Variants in FANK1 observed in about 807,000 individuals in gnomAD.
FANK1 encodes fibronectin type III and ankyrin repeat domains 1, also known as fibronectin type 3 and ankyrin repeat domains protein 1.
A neutral mutation model predicts 45.3 loss-of-function variants in FANK1; 44 were observed. The ratio of observed to expected loss-of-function variants is 0.97; its 90% CI spans 0.76 to 1.25. FANK1 has a LOEUF of 1.25. Among genes scored for constraint, FANK1 ranks in the 50% most tolerant of loss-of-function variants. The pLI, the probability that FANK1 is intolerant of heterozygous loss-of-function variation, is 0.00. For synonymous variants in FANK1, 149 were observed against 152.5 expected (o/e 0.98, Z 0.17); for missense variants, 391 against 424.4 (o/e 0.92, Z 0.69).
At chr10:125,926,872 A>G (rs1359056240) in intron 1 of FANK1, among the ~76,000 whole-genome samples, 1 of 152,260 alleles carries the variant, frequency 6.6e-6, no homozygotes, top group African/African-American at 2.4e-5. Flanking sequence ...TTAGTCTCAT[A>G]CTTAATTTTT....
At chr10:125,960,582 AG>A (rs1949860401) in intron 1 of FANK1, among the ~76,000 whole-genome samples, 2 of 152,252 alleles carry the variant, frequency 1.3e-5, no homozygotes, top group African/African-American at 4.8e-5. Context: ...GCTGGAGTGC[AG>A]TGGTGCGATC....
intron 3 of FANK1, among the ~76,000 whole-genome samples, chr10:125,991,347 T>G (rs1156583640): frequency 6.6e-6 from 1 of 151,662 alleles, no homozygotes; most frequent in East Asian, 1.9e-4. Context: ...CCAGGAAGCC[T>G]TCTCAACCTC....
intron 1 of FANK1, among the ~76,000 whole-genome samples, chr10:125,967,430 T>C (rs1950252359): frequency 6.6e-6 from 1 of 152,226 alleles, no homozygotes. Flanking sequence ...AGAACACTCA[T>C]ACAAAGTCTT....
chr10:125,996,503 A>G (rs920257784), intron 4 of FANK1, 47 bp from the exon 5 acceptor site: 1 of 1,578,638 alleles, frequency 6.3e-7, no homozygotes, highest in East Asian at 2.2e-5. Flanking sequence ...TTGACTCTGC[A>G]GTAGCTGTAC....
chr10:125,995,829 T>A (rs1247974606), intron 4 of FANK1, among the ~76,000 whole-genome samples: 1 of 152,206 alleles, frequency 6.6e-6, no homozygotes, highest in Non-Finnish European at 1.5e-5. Flanking sequence ...TGCCCACATC[T>A]AATTTCTGAT....
At chr10:125,999,472 G>C (rs972849476) in intron 6 of FANK1, among the ~76,000 whole-genome samples, 4 of 152,216 alleles carry the variant, frequency 2.6e-5, no homozygotes, top group African/African-American at 9.6e-5. Context: ...CCTTTGAACA[G>C]TGTATGGCAC....
intron 2 of FANK1, among the ~76,000 whole-genome samples, chr10:125,987,575 G>T (rs74706508): frequency 2.2e-4 from 34 of 152,036 alleles, no homozygotes; most frequent in Non-Finnish European, 4.7e-4. Flanking sequence ...GCTTTGAGTA[G>T]AAGAAAAGAA....
chr10:125,903,678 GT>G (rs60301455), intron 1 of FANK1, among the ~76,000 whole-genome samples: 52,267 of 129,924 alleles, frequency 0.4, 7,411 homozygotes, highest in Non-Finnish European at 0.45. Flanking sequence ...TTTTTTTTAA[GT>G]TTTAATTTTT....
At chr10:125,978,469 G>A (rs371960202) in intron 1 of FANK1, among the ~76,000 whole-genome samples, 77 of 151,802 alleles carry the variant, frequency 5.1e-4, no homozygotes, top group African/African-American at 1.8e-3. Flanking sequence ...CTCTGGGAGT[G>A]CCATCCCAGG....
At chr10:125,996,400 A>C (rs1345372723) in intron 4 of FANK1, 150 bp from the exon 5 acceptor site, 3 of 643,014 alleles carry the variant, frequency 4.7e-6, no homozygotes, top group Admixed American at 5.5e-5. Flanking sequence ...TTAGCAGTCT[A>C]AGACAAGAAA....
chr10:125,935,999 T>G (rs1948072082), intron 1 of FANK1, among the ~76,000 whole-genome samples: 1 of 152,186 alleles, frequency 6.6e-6, no homozygotes, highest in Admixed American at 6.5e-5. Context: ...CATTAGGTAG[T>G]AGCATGTTTG....
At chr10:125,952,038 A>G (rs1429654932) in intron 1 of FANK1, among the ~76,000 whole-genome samples, 1 of 152,174 alleles carries the variant, frequency 6.6e-6, no homozygotes, top group Non-Finnish European at 1.5e-5. Flanking sequence ...CTTTATCTGG[A>G]ACTGTCAGAC....
At chr10:125,906,882 C>T (rs933912880) in intron 1 of FANK1, among the ~76,000 whole-genome samples, 1 of 152,168 alleles carries the variant, frequency 6.6e-6, no homozygotes, top group African/African-American at 2.4e-5. Flanking sequence ...TTCTGAGATT[C>T]TCCCCTGCAG....
intron 1 of FANK1, among the ~76,000 whole-genome samples, chr10:125,945,960 G>A (rs185549632): frequency 0.02 from 2,985 of 152,204 alleles, 96 homozygotes; most frequent in African/African-American, 0.068. Context: ...CCTGACCCCC[G>A]AGCAGCCTAA....
chr10:125,909,820 C>T lies in FANK1; in HGVS notation c.13+13165C>T, dbSNP rs1945846424. On this transcript the variant is annotated intron_variant, in intron 1 of 10. Transcript: ENST00000368693. ...GGGATTATACATGTGAGCCACCACA[C>T]CTATCATATCATTGTTTTTTAGTAC... Among the ~76,000 whole-genome samples the T allele has an allele frequency of 2.0e-5, 3 of 151,604 alleles. No individual in the cohort carries two copies. The South Asian group carries it at 6.2e-4, about 32-fold the overall frequency.
chr10:125,954,157 G>A (rs1353817129), intron 1 of FANK1, among the ~76,000 whole-genome samples: 3 of 84,516 alleles, frequency 3.5e-5, no homozygotes, highest in African/African-American at 7.5e-5. Context: ...GTTACAATGG[G>A]GGAAGGGGCA....
intron 1 of FANK1, among the ~76,000 whole-genome samples, chr10:125,964,527 C>T (rs1950108214): frequency 6.6e-6 from 1 of 152,130 alleles, no homozygotes; most frequent in South Asian, 2.1e-4. Context: ...CGTTTTACAA[C>T]TTTCTTTTGT....
intron 3 of FANK1, among the ~76,000 whole-genome samples, chr10:125,992,286 GTTTC>G: frequency 6.6e-6 from 1 of 152,272 alleles, no homozygotes; most frequent in East Asian, 1.9e-4. Context: ...TTTCTTTTCT[GTTTC>G]TTTGTCAAAT....
intron 1 of FANK1, among the ~76,000 whole-genome samples, chr10:125,919,902 A>T (rs984181433): frequency 2.7e-5 from 4 of 150,332 alleles, no homozygotes; most frequent in Non-Finnish European, 5.9e-5. Context: ...TAACCTTCTT[A>T]TTTGTTTCTG....
Sources: gnomAD v4.1 joint callset for allele counts (sites outside exome capture counted in the v4.1 genomes callset) on GRCh38, gnomAD v4.1.1 for gene constraint, MANE v1.5 for transcripts, NCBI Gene and HGNC (gene_info 2026-07-23, HGNC 2026-07-21) for gene names.